NDRG4: variants seen among roughly 807,000 people sequenced by gnomAD.
NDRG4 encodes the protein NDRG family member 4.
NDRG4 carries 38 observed loss-of-function variants against 55.8 expected under a neutral mutation model. That is an observed-to-expected ratio of 0.68 (90% CI 0.53 to 0.89). NDRG4 has a LOEUF of 0.89. Among genes scored for constraint, NDRG4 ranks in the 40% least tolerant of loss-of-function variants. The pLI, the probability that NDRG4 is intolerant of heterozygous loss-of-function variation, is 0.00. For synonymous variants in NDRG4, 190 were observed against 182.7 expected (o/e 1.04, Z -0.32); for missense variants, 455 against 468.6 (o/e 0.97, Z 0.27).
chr16:58,511,383 G>A, intron 14 of NDRG4, 39 bp from the exon 15 acceptor site: 3 of 1,552,696 alleles, frequency 1.9e-6, no homozygotes, highest in Non-Finnish European at 1.7e-6. Flanking sequence ...ACCTGGCCCT[G>A]CCCGCCAGTC....
At chr16:58,469,185 C>T (rs188818311) in intron 1 of NDRG4, among the ~76,000 whole-genome samples, 54 of 152,260 alleles carry the variant, frequency 3.5e-4, no homozygotes, top group Non-Finnish European at 6.6e-4. Flanking sequence ...ATTTTACATA[C>T]GGAGGAAACT....
At chr16:58,509,479 G>A in intron 13 of NDRG4, 127 bp downstream of exon 13, 2 of 985,520 alleles carry the variant, frequency 2.0e-6, no homozygotes, top group South Asian at 1.6e-5. Context: ...ATAAGCATAG[G>A]AGTTTTGTGT....
At chr16:58,474,059 G>A (rs1303519478) in intron 1 of NDRG4, among the ~76,000 whole-genome samples, 3 of 104,988 alleles carry the variant, frequency 2.9e-5, no homozygotes, top group Non-Finnish European at 5.3e-5. Context: ...TTTTTTGAGA[G>A]AGAATCTCTC....
chr16:58,491,220 G>A (rs774043853), intron 2 of NDRG4, among the ~76,000 whole-genome samples: 3 of 151,970 alleles, frequency 2.0e-5, no homozygotes, highest in Non-Finnish European at 4.4e-5. Context: ...AGGTGGCAGT[G>A]AGCCCAGATC....
chr16:58,474,028 CTTTTTTTTT>C (rs1168834628), intron 1 of NDRG4, among the ~76,000 whole-genome samples: 12 of 101,208 alleles, frequency 1.2e-4, no homozygotes, highest in African/African-American at 3.3e-4. Context: ...TTTTCTTTCC[CTTTTTTTTT>C]TTTTTTTTTT....
chr16:58,511,106 C>T lies in NDRG4; in HGVS notation c.905-316C>T, dbSNP rs1309499704. 1.7e-5 allele frequency: 8 copies of T among 478,408 alleles called. 1 individual carries two copies. Among genetic ancestry groups the T allele is most frequent in the East Asian group, 1.0e-4 (3 of 28,920 alleles). 29.6% of individuals were successfully genotyped at this position (478,408 alleles called of 1,614,324 possible). ...AGGGCAGTATGCGACCACCGCTCCG[C>T]GTCCTCCTTTACAGAAACAGTCCTA... On this transcript the variant is annotated intron_variant, in intron 14 of 14. Transcript: ENST00000570248.
chr16:58,487,487 T>C (rs1179535970), intron 1 of NDRG4, among the ~76,000 whole-genome samples: 4 of 151,692 alleles, frequency 2.6e-5, no homozygotes, highest in Non-Finnish European at 5.9e-5. Context: ...GCCACTGCAC[T>C]CCAGCCTGGG....
chr16:58,488,660 C>G (rs1229822710), intron 2 of NDRG4, among the ~76,000 whole-genome samples: 1 of 152,054 alleles, frequency 6.6e-6, no homozygotes, highest in Non-Finnish European at 1.5e-5. Context: ...CCCCAGCCTC[C>G]CATCACCAGG....
chr16:58,473,425 A>G (rs939004092), intron 1 of NDRG4, among the ~76,000 whole-genome samples: 2 of 152,128 alleles, frequency 1.3e-5, no homozygotes, highest in Non-Finnish European at 2.9e-5. Context: ...TGGCCTCCCA[A>G]AGTGCTGGGA....
At chr16:58,505,828 TCTC>T (rs1242882407) in intron 5 of NDRG4, among the ~76,000 whole-genome samples, 1 of 146,980 alleles carries the variant, frequency 6.8e-6, no homozygotes, top group Non-Finnish European at 1.5e-5. Context: ...TTCAAGCAAT[TCTC>T]CTGCCTCAGC....
At chr16:58,475,996 C>T (rs2033569956) in intron 1 of NDRG4, among the ~76,000 whole-genome samples, 1 of 152,190 alleles carries the variant, frequency 6.6e-6, no homozygotes, top group African/African-American at 2.4e-5. Context: ...GGGGTTTTGC[C>T]ATGTTGGCCA....
intron 1 of NDRG4, among the ~76,000 whole-genome samples, chr16:58,468,505 G>T (rs1044597920): frequency 3.3e-5 from 5 of 152,202 alleles, no homozygotes; most frequent in African/African-American, 1.2e-4. Context: ...TGGATCACCT[G>T]AGGTCAGGAG....
intron 2 of NDRG4, among the ~76,000 whole-genome samples, chr16:58,493,903 AG>A: frequency 6.6e-6 from 1 of 152,252 alleles, no homozygotes; most frequent in Admixed American, 6.5e-5. Context: ...GGGGACCCAG[AG>A]TGGGTGAGTC....
Position 58,507,855 on chromosome 16 carries a change from A to G in NDRG4, c.668A>G (p.Lys223Arg), listed in dbSNP as rs1247275785. ...INRPGTVPNAKTLRCPVMLVV... is the reference protein window; with the variant it reads ...INRPGTVPNARTLRCPVMLVV... ...CGGCCTGGAACGGTGCCCAATGCCA[A>G]GACGCTCCGGTGAGTGGCCCCTGGC... Residue 223 changes from lysine (K) to arginine (R), a missense_variant, in exon 9 of 15, where the codon AAG becomes AGG. Coordinates refer to ENST00000570248, the MANE Select transcript of NDRG4 (RefSeq NM_001242835.2). 1 of 1,613,992 alleles carries G rather than the reference A, an allele frequency of 6.2e-7. No homozygotes were observed. Among genetic ancestry groups the G allele is most frequent in the Non-Finnish European group, 8.5e-7 (1 of 1,179,982 alleles).
At chr16:58,510,826 C>T (rs1218713556) in intron 14 of NDRG4, 143 bp downstream of exon 14, 11 of 765,858 alleles carry the variant, frequency 1.4e-5, no homozygotes, top group Admixed American at 1.4e-4. Flanking sequence ...AGAAACCCCA[C>T]AGATTCTTGC....
chr16:58,507,078 C>T, intron 8 of NDRG4, 63 bp downstream of exon 8: 2 of 1,298,470 alleles, frequency 1.5e-6, no homozygotes, highest in Non-Finnish European at 2.2e-6. Flanking sequence ...TGCACACTGC[C>T]CCCTGAGGGA....
chr16:58,468,031 C>T (rs1398811291), intron 1 of NDRG4, among the ~76,000 whole-genome samples: 1 of 152,232 alleles, frequency 6.6e-6, no homozygotes, highest in Admixed American at 6.5e-5. Flanking sequence ...ACTTAGGTCT[C>T]AGGTTCCTGT....
At chr16:58,496,794 C>T (rs1308405375), upstream of NDRG4, 1 of 152,146 alleles carries the variant, frequency 6.6e-6, no homozygotes, top group East Asian at 1.9e-4. Flanking sequence ...ACCAAACTGC[C>T]TGGGTGTGGT....
At position 58,511,871 on chromosome 16, in the gene NDRG4, C is replaced by G. The variant is rs1472857190; in HGVS notation, c.*295C>G. ...GGGCCATAGGGAGGGAGATTCGCTA[C>G]GGATCCAGGCCATTCCTGGGTGAGC... is the stretch of plus-strand genomic sequence containing the variant. On this transcript the variant is annotated 3_prime_UTR_variant, in exon 15 of 15. Transcript: ENST00000570248. 1.3e-5 allele frequency: 6 copies of G among 469,552 alleles called. No individual in the cohort carries two copies. Among genetic ancestry groups the G allele is most frequent in the Non-Finnish European group, 2.4e-5 (6 of 246,820 alleles). 29.1% of individuals were successfully genotyped at this position (469,552 alleles called of 1,614,324 possible). A position where few individuals can be genotyped will look rare whatever the true frequency, so the allele number is the denominator to read the frequency against.
Sources: gnomAD v4.1 joint callset for allele counts (sites outside exome capture counted in the v4.1 genomes callset) on GRCh38, gnomAD v4.1.1 for gene constraint, MANE v1.5 for transcripts, NCBI Gene and HGNC (gene_info 2026-07-23, HGNC 2026-07-21) for gene names.